The following ATP6V0A4 variants were observed in gnomAD, a reference collection of about 807,000 sequenced individuals.
The protein encoded by ATP6V0A4 is V-type proton ATPase 116 kDa subunit a 4.
A neutral mutation model predicts 107.3 loss-of-function variants in ATP6V0A4; 86 were observed. The observed-to-expected ratio is 0.80, with a 90% CI of 0.67 to 0.96. The LOEUF (loss-of-function observed/expected upper bound fraction) is 0.96. Ranked by LOEUF, ATP6V0A4 falls within the 40% of genes least tolerant of loss-of-function variation. The pLI is 0.00. For missense variants in ATP6V0A4, 908 were observed against 1,045.6 expected (o/e 0.87, Z 1.81); for synonymous variants, 353 against 381.4 (o/e 0.93, Z 0.87).
chr7:138,727,112 CAAAAAAAAAAAA>C (rs138365622), intron 18 of ATP6V0A4, among the ~76,000 whole-genome samples: 1 of 103,098 alleles, frequency 9.7e-6, no homozygotes, highest in African/African-American at 3.6e-5. Context: ...GAGCTCATCT[CAAAAAAAAAAAA>C]AAAAAAAAAA....
chr7:138,792,954 A>G (rs1429757494), intron 1 of ATP6V0A4, among the ~76,000 whole-genome samples: 2 of 152,128 alleles, frequency 1.3e-5, no homozygotes, highest in Admixed American at 1.3e-4. Flanking sequence ...TGTTATAGCT[A>G]CAGCAATATC....
chr7:138,766,558 GAGATAAA>G (rs1807103714), intron 5 of ATP6V0A4, among the ~76,000 whole-genome samples: 1 of 151,668 alleles, frequency 6.6e-6, no homozygotes, highest in Non-Finnish European at 1.5e-5. Context: ...CCTTACCAAA[GAGATAAA>G]AGATAAACGA....
chr7:138,762,045 G>A (rs2117314507), intron 7 of ATP6V0A4, among the ~76,000 whole-genome samples: 1 of 152,240 alleles, frequency 6.6e-6, no homozygotes, highest in South Asian at 2.1e-4. Context: ...CAACGCCAGG[G>A]AAGAGTTGTG....
chr7:138,747,507 C>G lies in ATP6V0A4; in HGVS notation c.1238G>C (p.Gly413Ala). The change falls in exon 13 of 22, where the codon GGT becomes GCT. Residue 413 changes from glycine to alanine, a missense_variant. Transcript: ENST00000310018. ...AGCCAGGAGCATCACGGTTCCATGA[C>G]CACAGTCTCCAAACATCACAGCGAA... The part of the protein sequence containing the change: ...FLFAVMFGDC[G>A]HGTVMLLAAL... 1.9e-6 allele frequency: 3 copies of G among 1,614,140 alleles called. No individual in the cohort carries two copies. Among genetic ancestry groups the G allele is most frequent in the Non-Finnish European group, 2.5e-6 (3 of 1,180,038 alleles).
At chr7:138,712,685 C>T (rs1374552975) in intron 20 of ATP6V0A4, among the ~76,000 whole-genome samples, 2 of 152,028 alleles carry the variant, frequency 1.3e-5, no homozygotes, top group South Asian at 4.1e-4. Flanking sequence ...TCTAGAATGA[C>T]CCAGTGGGTG....
intron 8 of ATP6V0A4, 46 bp downstream of exon 8, chr7:138,759,706 G>A (rs1392732079): frequency 1.3e-6 from 2 of 1,599,698 alleles, no homozygotes; most frequent in East Asian, 2.2e-5. Context: ...TCTGCTGAGG[G>A]CTATGGGAAG....
intron 1 of ATP6V0A4, among the ~76,000 whole-genome samples, chr7:138,794,661 A>C (rs1808573242): frequency 6.8e-6 from 1 of 146,974 alleles, no homozygotes; most frequent in African/African-American, 2.5e-5. Flanking sequence ...CACCCATTTA[A>C]AAAAAAAAAA....
At chr7:138,764,471 A>T (rs1341109163) in intron 5 of ATP6V0A4, among the ~76,000 whole-genome samples, 1 of 152,006 alleles carries the variant, frequency 6.6e-6, no homozygotes, top group Non-Finnish European at 1.5e-5. Context: ...GCTATCAGGG[A>T]AAAAAAGGAC....
intron 1 of ATP6V0A4, among the ~76,000 whole-genome samples, chr7:138,792,766 G>GTTTTTTTTTTTTT (rs1202969668): frequency 1.5e-5 from 1 of 68,708 alleles, no homozygotes; most frequent in African/African-American, 6.4e-5. Context: ...ACTCAGGTTT[G>GTTTTTTTTTTTTT]TTTTTTTTTT....
At chr7:138,725,590 GC>G (rs1804668538) in intron 18 of ATP6V0A4, among the ~76,000 whole-genome samples, 1 of 151,918 alleles carries the variant, frequency 6.6e-6, no homozygotes. Flanking sequence ...TCAGCTCACT[GC>G]CATCTCCACC....
rs60793465 is a variant in ATP6V0A4, at chr7:138,796,996, C to T, written c.-121+1038G>A. 7.9e-5 allele frequency among the ~76,000 whole-genome samples: 12 copies of T among 152,302 alleles called. No homozygotes were observed. In the East Asian group the frequency reaches 2.1e-3, roughly 27 times the overall value. On this transcript the variant is annotated intron_variant, in intron 1 of 21. Transcript: ENST00000310018. ...TTGTTTCAAATTCCTCTACCAGGCA[C>T]GCAGAAGCTTAGCCCACAGCTCTCC...
chr7:138,753,399 C>T (rs73730501), intron 10 of ATP6V0A4, among the ~76,000 whole-genome samples: 3,597 of 152,300 alleles, frequency 0.024, 133 homozygotes, highest in African/African-American at 0.081. Flanking sequence ...GCCCTGCTGA[C>T]GCCTTGATTT....
intron 18 of ATP6V0A4, among the ~76,000 whole-genome samples, chr7:138,727,024 A>G (rs1804756589): frequency 6.6e-6 from 1 of 150,944 alleles, no homozygotes; most frequent in African/African-American, 2.4e-5. Flanking sequence ...TGGCTTATGG[A>G]CAGATTTAGT....
At chr7:138,733,178 C>T (rs1412607421) in intron 16 of ATP6V0A4, 85 bp from the exon 17 acceptor site, 12 of 1,566,044 alleles carry the variant, frequency 7.7e-6, no homozygotes, top group East Asian at 7.0e-5. Flanking sequence ...CACAAAAGCA[C>T]AAAATGTTCT....
intron 1 of ATP6V0A4, among the ~76,000 whole-genome samples, chr7:138,792,589 G>C (rs1345712930): frequency 1.3e-5 from 2 of 151,936 alleles, no homozygotes; most frequent in Non-Finnish European, 2.9e-5. Context: ...TAAGCTGATA[G>C]ATTGATTTGT....
intron 21 of ATP6V0A4, among the ~76,000 whole-genome samples, chr7:138,708,251 C>A (rs568596045): frequency 6.6e-6 from 1 of 151,800 alleles, no homozygotes; most frequent in Non-Finnish European, 1.5e-5. Context: ...GGTTTCTCCA[C>A]GTCGATCAGG....
intron 1 of ATP6V0A4, among the ~76,000 whole-genome samples, chr7:138,793,268 C>T (rs1460903699): frequency 6.6e-6 from 1 of 152,062 alleles, no homozygotes; most frequent in Non-Finnish European, 1.5e-5. Context: ...GCATTCCAGC[C>T]TGGGCGACAG....
At chr7:138,726,211 G>A (rs866551247) in intron 18 of ATP6V0A4, among the ~76,000 whole-genome samples, 6 of 151,900 alleles carry the variant, frequency 3.9e-5, no homozygotes, top group African/African-American at 7.3e-5. Context: ...GGATGGTCTC[G>A]ATCTCCTGAC....
rs150529529 is a variant in ATP6V0A4, at chr7:138,775,370, C to T, written c.-17-4106G>A. ...TCTAAAAGATAAGGATTCTTTTATA[C>T]GCACATATACACACACAAACACACA... is the stretch of plus-strand genomic sequence containing the variant. On this transcript the variant is annotated intron_variant, in intron 2 of 21. Coordinates refer to ENST00000310018, the MANE Select transcript of ATP6V0A4 (RefSeq NM_020632.3). 1.6e-3 allele frequency among the ~76,000 whole-genome samples: 251 copies of T among 152,170 alleles called. 2 individuals are homozygous for T. The Middle Eastern group carries it at 0.017, about 10-fold the overall frequency.
Sources: allele counts gnomAD v4.1 joint callset (sites outside exome capture counted in the v4.1 genomes callset), GRCh38; gene constraint gnomAD v4.1.1; transcripts MANE v1.5; gene names NCBI Gene and HGNC (gene_info 2026-07-23, HGNC 2026-07-21).